The following INTS3 variants were observed in gnomAD, a reference collection of about 807,000 sequenced individuals.
The protein encoded by INTS3 is SOSS complex subunit A.
INTS3 carries 34 observed loss-of-function variants against 146.3 expected under a neutral mutation model. The observed-to-expected ratio is 0.23, with a 90% CI of 0.18 to 0.31. The LOEUF (loss-of-function observed/expected upper bound fraction) is 0.31, where lower values mean the gene tolerates loss of function less well. Ranked by LOEUF, INTS3 falls within the 10% of genes least tolerant of loss-of-function variation. The pLI, the probability that INTS3 is intolerant of heterozygous loss-of-function variation, is 1.00. For missense variants in INTS3, 757 were observed against 1,304.2 expected, an observed-to-expected ratio of 0.58 and a Z score of 6.46; for synonymous variants, 475 against 494.9, an observed-to-expected ratio of 0.96 and a Z score of 0.53.
At chr1:153,765,345 G>T (rs1049412018) in intron 20 of INTS3, among the ~76,000 whole-genome samples, 2 of 151,950 alleles carry the variant, frequency 1.3e-5, no homozygotes, top group Non-Finnish European at 2.9e-5. Context: ...GCACTACCAT[G>T]CCCAGATAAT....
In INTS3 at chr1:153,728,254, C is replaced by T. The variant is rs568218928; in HGVS notation, c.-381C>T. On this transcript the variant is annotated 5_prime_UTR_variant, in exon 1 of 30. Coordinates refer to ENST00000318967, the MANE Select transcript of INTS3 (RefSeq NM_023015.5). The stretch of plus-strand genomic sequence containing the variant: ...TCAGGGGCAGGACTCCTCTTTTCCC[C>T]CCACGGGGAAAAGAGGCAGAAACTT... 78 of 391,784 alleles carry T rather than the reference C, an allele frequency of 2.0e-4. No individual in the cohort carries two copies. In the East Asian group the frequency reaches 2.7e-3, roughly 14 times the overall value. 24.3% of individuals were successfully genotyped at this position (391,784 alleles called of 1,614,324 possible).
rs750406473 is a variant in INTS3, at chr1:153,767,844, G to A, written c.2244+17G>A. ...TACACAGAGGTCAGTGCCTGCATCC[G>A]TATCTGTGCCGGGGGGCTCACAGGA... On this transcript the variant is annotated intron_variant, in intron 21 of 29. Coordinates refer to ENST00000318967, the MANE Select transcript of INTS3 (RefSeq NM_023015.5). The A allele has an allele frequency of 1.5e-5, 24 of 1,590,616 alleles. No homozygotes were observed. Among genetic ancestry groups the A allele is most frequent in the African/African-American group, 5.4e-5 (4 of 74,396 alleles).
In INTS3 at chr1:153,763,318, G is replaced by A; in HGVS notation, c.1722G>A (p.Leu574=). 6.2e-7 allele frequency: 1 copy of A among 1,614,158 alleles called. No individual in the cohort carries two copies. Among genetic ancestry groups the A allele is most frequent in the Non-Finnish European group, 8.5e-7 (1 of 1,180,012 alleles). Residue 574 remains leucine, a synonymous_variant, in exon 16 of 30, where the codon TTG becomes TTA. Transcript: ENST00000318967. The stretch of plus-strand genomic sequence containing the variant: ...ATATCACCCCTTACCTTGACCAGTT[G>A]GATGAGTCCCTGAGGGACAAAGTAC... The part of the protein sequence containing the change: ...PVDITPYLDQ[L]DESLRDKVLQ...
chr1:153,751,259 A>G lies in INTS3; in HGVS notation c.729+20A>G, dbSNP rs776727428. The G allele has an allele frequency of 2.5e-6, 4 of 1,612,760 alleles. No homozygotes were observed. Among genetic ancestry groups the G allele is most frequent in the African/African-American group, 2.7e-5 (2 of 74,916 alleles). ...GAACGGGTGAGGGAACAGGACAAAA[A>G]TAATGTGGGGAAGTGAGACTCAGGC... is the stretch of plus-strand genomic sequence containing the variant. On this transcript the variant is annotated intron_variant, in intron 7 of 29. Transcript: ENST00000318967.
chr1:153,750,641 GC>G (rs540152433), intron 6 of INTS3, among the ~76,000 whole-genome samples: 110 of 152,266 alleles, frequency 7.2e-4, no homozygotes, highest in African/African-American at 2.5e-3. Context: ...ACATGTTCTT[GC>G]ACCACACTTA....
intron 6 of INTS3, among the ~76,000 whole-genome samples, chr1:153,749,053 T>C (rs989264236): frequency 1.3e-5 from 2 of 152,086 alleles, no homozygotes; most frequent in East Asian, 1.9e-4. Flanking sequence ...TAGGGGGAAG[T>C]TGGGGAGGAA....
At position 153,772,230 on chromosome 1, in the gene INTS3, G is replaced by A. The variant is rs1672918385; in HGVS notation, c.2721-110G>A. 7.7e-7 allele frequency: 1 copy of A among 1,291,080 alleles called. No homozygotes were observed. Among genetic ancestry groups the A allele is most frequent in the East Asian group, 2.3e-5 (1 of 42,892 alleles). The allele number at this position is 1,291,080 out of a possible 1,614,324, so 80.0% of individuals were successfully genotyped here. A position where few individuals can be genotyped will look rare whatever the true frequency, so the allele number is the denominator to read the frequency against. ...CCAGCCCTCCCAGGCTGCCTATCCT[G>A]TTCCCCATGTAGGCTGCCTCTGTCT... is the stretch of plus-strand genomic sequence containing the variant. On this transcript the variant is annotated intron_variant, in intron 26 of 29. Transcript: ENST00000318967. This position sits in a 1 kb window ranked among gnomAD's most constrained non-coding sequence, Gnocchi z 4.6.
chr1:153,737,718 C>T lies in INTS3; in HGVS notation c.151-2933C>T, dbSNP rs1186192968. 2.6e-5 allele frequency among the ~76,000 whole-genome samples: 4 copies of T among 152,098 alleles called. No individual in the cohort carries two copies. In the South Asian group the frequency reaches 8.3e-4, roughly 32 times the overall value. On this transcript the variant is annotated intron_variant, in intron 1 of 29. Transcript: ENST00000318967. ...TTTGCCATGTTGGCCAGGCTGGTCTCAAACTCCTGACCTCAAGTGATCCTC... is the reference window on the plus strand; with the variant it reads ...TTTGCCATGTTGGCCAGGCTGGTCTTAAACTCCTGACCTCAAGTGATCCTC...
intron 1 of INTS3, among the ~76,000 whole-genome samples, chr1:153,732,621 C>A (rs986573619): frequency 2.6e-5 from 4 of 151,522 alleles, no homozygotes; most frequent in Non-Finnish European, 4.4e-5. Context: ...ACTTTTTTTG[C>A]ATTTTTAGTA....
At chr1:153,731,577 C>CTTTTTTTTT (rs1491428244) in intron 1 of INTS3, among the ~76,000 whole-genome samples, 3 of 129,228 alleles carry the variant, frequency 2.3e-5, no homozygotes, top group African/African-American at 2.8e-5. Context: ...CAAGAGCGTC[C>CTTTTTTTTT]TCTTTTTTTT....
At chr1:153,749,751 T>C (rs2101801318) in intron 6 of INTS3, among the ~76,000 whole-genome samples, 1 of 152,366 alleles carries the variant, frequency 6.6e-6, no homozygotes, top group Admixed American at 6.5e-5. Flanking sequence ...TTCAACTCTT[T>C]CTTTCTCTTT....
At chr1:153,766,032 T>C (rs1255907992) in intron 20 of INTS3, among the ~76,000 whole-genome samples, 1 of 152,114 alleles carries the variant, frequency 6.6e-6, no homozygotes, top group Non-Finnish European at 1.5e-5. Flanking sequence ...ATCTGCTTTC[T>C]GCCTCTATAG....
intron 3 of INTS3, among the ~76,000 whole-genome samples, chr1:153,741,933 T>C (rs1671549603): frequency 6.6e-6 from 1 of 152,222 alleles, no homozygotes; most frequent in African/African-American, 2.4e-5. Flanking sequence ...GAGTCCCCTT[T>C]ATGTGGAACG....
chr1:153,772,048 G>GGTA lies in INTS3; in HGVS notation c.2720+87_2720+88insAGT. 7.3e-7 allele frequency: 1 copy of GGTA among 1,363,440 alleles called. No individual in the cohort carries two copies. The highest frequency in any genetic ancestry group is 1.0e-6 in the Non-Finnish European group (1 of 1,000,202). 84.5% of individuals were successfully genotyped at this position (1,363,440 alleles called of 1,614,324 possible). A position where few individuals can be genotyped will look rare whatever the true frequency, so the allele number is the denominator to read the frequency against. ...TGGTGGTGGTGGTGGTGGTGGTGGT[G>GGTA]GTGATGGGGGTCAGTGCTGTCCCAG... On this transcript the variant is annotated intron_variant, in intron 26 of 29. Coordinates refer to ENST00000318967, the MANE Select transcript of INTS3 (RefSeq NM_023015.5). This position sits in a 1 kb window ranked among gnomAD's most constrained non-coding sequence, Gnocchi z 4.6.
At chr1:153,770,084 T>G in intron 23 of INTS3, 114 bp from the exon 24 acceptor site, 1 of 438,656 alleles carries the variant, frequency 2.3e-6, no homozygotes, top group Non-Finnish European at 3.9e-6. Context: ...TGTGTGTGTG[T>G]GTGTGTGTGT....
chr1:153,755,335 C>G (rs1672122010), intron 9 of INTS3, among the ~76,000 whole-genome samples: 1 of 152,126 alleles, frequency 6.6e-6, no homozygotes, highest in Non-Finnish European at 1.5e-5. Flanking sequence ...GCGATCTCGG[C>G]TCTCCGCAGC....
chr1:153,740,528 A>G, intron 1 of INTS3, 123 bp from the exon 2 acceptor site: 1 of 722,954 alleles, frequency 1.4e-6, no homozygotes, highest in South Asian at 1.5e-5. Flanking sequence ...GTGACTTTAT[A>G]AGTAAACTGG....
In INTS3 at chr1:153,740,642, C is replaced by T; in HGVS notation, c.151-9C>T. 2.5e-6 allele frequency: 4 copies of T among 1,611,244 alleles called. No homozygotes were observed. Among genetic ancestry groups the T allele is most frequent in the East Asian group, 2.2e-5 (1 of 44,854 alleles). On this transcript the variant is annotated splice_polypyrimidine_tract_variant and intron_variant, in intron 1 of 29. Transcript: ENST00000318967. The stretch of plus-strand genomic sequence containing the variant: ...GACACACTGTTCATTTTTTCTCACC[C>T]CTTCCCAGAGATTGGAAAGGTGTAT...
chr1:153,766,173 G>A (rs965399414), intron 20 of INTS3, among the ~76,000 whole-genome samples: 4 of 142,092 alleles, frequency 2.8e-5, no homozygotes, highest in Admixed American at 7.3e-5. Flanking sequence ...CCAGGCTGGA[G>A]TACAGTGGTG....
Sources: gnomAD v4.1 joint callset for allele counts (sites outside exome capture counted in the v4.1 genomes callset) on GRCh38, gnomAD v4.1.1 for gene constraint, Gnocchi (gnomAD v3.1) non-coding constraint, MANE v1.5 for transcripts, NCBI Gene and HGNC (gene_info 2026-07-23, HGNC 2026-07-21) for gene names.